The following DERA variants were observed in gnomAD, a reference collection of about 807,000 sequenced individuals.
DERA encodes deoxyribose-phosphate aldolase.
In DERA, 15 loss-of-function variants were observed where a neutral mutation model predicts 41.1. The observed-to-expected ratio is 0.37, with a 90% confidence interval of 0.24 to 0.56. The LOEUF (loss-of-function observed/expected upper bound fraction) is 0.56. DERA is among the 20% of genes least tolerant of loss of function. The pLI is 0.81. For missense variants in DERA, 396 were observed against 403.4 expected (o/e 0.98, Z 0.16); for synonymous variants, 139 against 137.4 (o/e 1.01, Z -0.08).
At chr12:16,018,026 T>C (rs1450325032) in intron 6 of DERA, among the ~76,000 whole-genome samples, 2 of 152,200 alleles carry the variant, frequency 1.3e-5, no homozygotes, top group Non-Finnish European at 2.9e-5. Flanking sequence ...TTTAAGATCT[T>C]ACTAGTAACT....
At position 15,996,256 on chromosome 12, in the gene DERA, G is replaced by A. The variant is rs1378974490; in HGVS notation, c.637+13820G>A. Among the ~76,000 whole-genome samples, 1 of 151,894 alleles carries A rather than the reference G, an allele frequency of 6.6e-6. No homozygotes were observed. The highest frequency in any genetic ancestry group is 1.9e-4 in the East Asian group (1 of 5,170). On this transcript the variant is annotated intron_variant, in intron 6 of 8. Transcript: ENST00000428559. This position sits in a 1 kb window ranked among gnomAD's most constrained non-coding sequence, Gnocchi z 4.7. ...CCAAAATATAGAAAACATGGGAAAA[G>A]AGGAGTGTATTAGTTTCTTGGGCTC...
chr12:15,918,535 AG>A lies in DERA; in HGVS notation c.31+7126del, dbSNP rs1308278450. ...TTAGGACAATCGTTTGGGAAGGGGA[AG>A]GGGGCCAGAATAATTTGTTTTTTTT... On this transcript the variant is annotated intron_variant, in intron 1 of 8. Transcript: ENST00000428559. This position sits in a 1 kb window ranked among gnomAD's most constrained non-coding sequence, Gnocchi z 4.3. Among the ~76,000 whole-genome samples the A allele has an allele frequency of 6.6e-6, 1 of 152,182 alleles. No homozygotes were observed. The highest frequency in any genetic ancestry group is 1.5e-5 in the Non-Finnish European group (1 of 68,038).
chr12:15,915,307 A>G lies in DERA; in HGVS notation c.31+3893A>G, dbSNP rs887830421. The stretch of plus-strand genomic sequence containing the variant: ...ATTATAATTTTTAATTTCCTTTTAA[A>G]AGAACCTATGAATTAGGGATTTAGG... On this transcript the variant is annotated intron_variant, in intron 1 of 8. Coordinates refer to ENST00000428559, the MANE Select transcript of DERA (RefSeq NM_015954.4). The surrounding 1 kb of genome is among the most constrained non-coding windows in gnomAD (Gnocchi z 4.8). Among the ~76,000 whole-genome samples, 1 of 152,344 alleles carries G rather than the reference A, an allele frequency of 6.6e-6. No homozygotes were observed. Among genetic ancestry groups the G allele is most frequent in the African/African-American group, 2.4e-5 (1 of 41,592 alleles).
chr12:15,948,035 T>G lies in DERA; in HGVS notation c.32-8901T>G, dbSNP rs550890714. Among the ~76,000 whole-genome samples the G allele has an allele frequency of 3.3e-5, 5 of 152,370 alleles. No homozygotes were observed. The South Asian group carries it at 1.0e-3, about 32-fold the overall frequency. ...TAAGAATGTTGAATATTGGCCCCCATTCTCTTCAGGCTTGTAGAGTTTCTG... is the reference window on the plus strand; with the variant it reads ...TAAGAATGTTGAATATTGGCCCCCAGTCTCTTCAGGCTTGTAGAGTTTCTG... On this transcript the variant is annotated intron_variant, in intron 1 of 8. Coordinates refer to ENST00000428559, the MANE Select transcript of DERA (RefSeq NM_015954.4).
intron 6 of DERA, among the ~76,000 whole-genome samples, chr12:16,032,002 A>G (rs1234070610): frequency 6.6e-6 from 1 of 152,212 alleles, no homozygotes; most frequent in Non-Finnish European, 1.5e-5. Context: ...TTTGCAAGGT[A>G]TGAAATAGCG....
rs1949019490 is a variant in DERA, at chr12:16,021,943, AT to A, written c.638-10594del. The stretch of plus-strand genomic sequence containing the variant: ...AAGACTTTGGACTTTAGACTTTGGC[AT>A]TTTTGAGCTAAGGCTGGAACAAGTT... On this transcript the variant is annotated intron_variant, in intron 6 of 8. Transcript: ENST00000428559. This position sits in a 1 kb window ranked among gnomAD's most constrained non-coding sequence, Gnocchi z 5.3. Among the ~76,000 whole-genome samples the A allele has an allele frequency of 6.6e-6, 1 of 152,182 alleles. No individual in the cohort carries two copies. The highest frequency in any genetic ancestry group is 1.5e-5 in the Non-Finnish European group (1 of 68,036).
At chr12:15,977,697 A>C (rs540662407) in intron 5 of DERA, among the ~76,000 whole-genome samples, 7 of 152,302 alleles carry the variant, frequency 4.6e-5, no homozygotes, top group African/African-American at 1.7e-4. Context: ...ACCTCAGGTG[A>C]TCCACCTGCC....
At chr12:15,975,995 G>A (rs111318431) in intron 5 of DERA, among the ~76,000 whole-genome samples, 1 of 152,276 alleles carries the variant, frequency 6.6e-6, no homozygotes, top group African/African-American at 2.4e-5. Flanking sequence ...TTGTCAGACA[G>A]ATCTAGTAAA....
chr12:15,920,570 C>T (rs1948235728), intron 1 of DERA, among the ~76,000 whole-genome samples: 2 of 152,208 alleles, frequency 1.3e-5, no homozygotes. Flanking sequence ...CGTGGTGGCT[C>T]ATGCCTGTAA....
intron 6 of DERA, among the ~76,000 whole-genome samples, chr12:16,005,024 C>T: frequency 6.6e-6 from 1 of 152,142 alleles, no homozygotes; most frequent in Non-Finnish European, 1.5e-5. Context: ...TACTAAAAGG[C>T]AGTTTAAAAG....
chr12:15,949,656 T>C (rs954051299), intron 1 of DERA, among the ~76,000 whole-genome samples: 16 of 151,952 alleles, frequency 1.1e-4, no homozygotes, highest in African/African-American at 3.6e-4. Context: ...CTGGGTGAGG[T>C]GATGCCTCGC....
intron 1 of DERA, among the ~76,000 whole-genome samples, chr12:15,948,571 A>G (rs1948470141): frequency 6.6e-6 from 1 of 152,012 alleles, no homozygotes. Context: ...GGACTTCTCT[A>G]CACTGGTTAT....
chr12:16,009,417 TA>T lies in DERA; in HGVS notation c.638-23124del, dbSNP rs1489541934. Among the ~76,000 whole-genome samples, 1 of 152,176 alleles carries T rather than the reference TA, an allele frequency of 6.6e-6. No individual in the cohort carries two copies. Among genetic ancestry groups the T allele is most frequent in the Non-Finnish European group, 1.5e-5 (1 of 68,022 alleles). On this transcript the variant is annotated intron_variant, in intron 6 of 8. Coordinates refer to ENST00000428559, the MANE Select transcript of DERA (RefSeq NM_015954.4). This position sits in a 1 kb window ranked among gnomAD's most constrained non-coding sequence, Gnocchi z 5.3. ...TATACTTTAAATTTTTCATCATCTT[TA>T]GTTTCCATGTATTAAATACAAAAAA...
At position 15,947,945 on chromosome 12, in the gene DERA, A is replaced by T. The variant is rs114787357; in HGVS notation, c.32-8991A>T. On this transcript the variant is annotated intron_variant, in intron 1 of 8. Coordinates refer to ENST00000428559, the MANE Select transcript of DERA (RefSeq NM_015954.4). The stretch of plus-strand genomic sequence containing the variant: ...TCAGCATTTGCTTGTCAAGAATTTT[A>T]TTTCTCCTTCACTGGAAGCTTAGTT... 9.7e-3 allele frequency among the ~76,000 whole-genome samples: 1,471 copies of T among 151,960 alleles called. 17 individuals carry two copies. The highest frequency in any genetic ancestry group is 0.033 in the African/African-American group (1,378 of 41,460).
rs1263975160 is a variant in DERA, at chr12:16,003,521, T to C, written c.637+21085T>C. ...GTGTGCCTAAGGGCTGAGTGTTCGTTTTAGGTAAGAGAGAAACTGTGAGGG... is the reference window on the plus strand; with the variant it reads ...GTGTGCCTAAGGGCTGAGTGTTCGTCTTAGGTAAGAGAGAAACTGTGAGGG... On this transcript the variant is annotated intron_variant, in intron 6 of 8. Transcript: ENST00000428559. The surrounding 1 kb of genome is among the most constrained non-coding windows in gnomAD (Gnocchi z 4.8). Among the ~76,000 whole-genome samples, 1 of 152,028 alleles carries C rather than the reference T, an allele frequency of 6.6e-6. No individual in the cohort carries two copies. Among genetic ancestry groups the C allele is most frequent in the African/African-American group, 2.4e-5 (1 of 41,392 alleles).
intron 6 of DERA, among the ~76,000 whole-genome samples, chr12:16,022,648 CT>C (rs1165756718): frequency 6.6e-6 from 1 of 152,158 alleles, no homozygotes; most frequent in Non-Finnish European, 1.5e-5. Flanking sequence ...AAATGAGTGA[CT>C]TTTCTCAGAC....
In DERA at chr12:15,966,078, C is replaced by T. The variant is rs1948620608; in HGVS notation, c.508+3131C>T. The stretch of plus-strand genomic sequence containing the variant: ...ACGTCCTCCTTTCTTCTCTTCCCTT[C>T]ATGACTAAAATTCTGAAAAGAAGGC... On this transcript the variant is annotated intron_variant, in intron 5 of 8. Transcript: ENST00000428559. This position sits in a 1 kb window ranked among gnomAD's most constrained non-coding sequence, Gnocchi z 5.1. 6.6e-6 allele frequency among the ~76,000 whole-genome samples: 1 copy of T among 152,172 alleles called. No individual in the cohort carries two copies. The highest frequency in any genetic ancestry group is 1.5e-5 in the Non-Finnish European group (1 of 68,028).
At position 15,999,214 on chromosome 12, in the gene DERA, G is replaced by A. The variant is rs943302192; in HGVS notation, c.637+16778G>A. Among the ~76,000 whole-genome samples, 1 of 152,148 alleles carries A rather than the reference G, an allele frequency of 6.6e-6. No individual in the cohort carries two copies. The highest frequency in any genetic ancestry group is 1.5e-5 in the Non-Finnish European group (1 of 68,028). ...GTACCTGGGGATATTTCTTTCCCTCGAATGGGTTCATCCAAATATTTGATG... is the reference window on the plus strand; with the variant it reads ...GTACCTGGGGATATTTCTTTCCCTCAAATGGGTTCATCCAAATATTTGATG... On this transcript the variant is annotated intron_variant, in intron 6 of 8. Coordinates refer to ENST00000428559, the MANE Select transcript of DERA (RefSeq NM_015954.4). The surrounding 1 kb of genome is among the most constrained non-coding windows in gnomAD (Gnocchi z 5.3).
At position 15,936,612 on chromosome 12, in the gene DERA, T is replaced by C. The variant is rs1948365917; in HGVS notation, c.32-20324T>C. ...GTTAACATCTAATACTGAGACCATA[T>C]TTAAATTTGTTCAGTTGTCCCCAAA... On this transcript the variant is annotated intron_variant, in intron 1 of 8. Coordinates refer to ENST00000428559, the MANE Select transcript of DERA (RefSeq NM_015954.4). The surrounding 1 kb of genome is among the most constrained non-coding windows in gnomAD (Gnocchi z 4.6). Among the ~76,000 whole-genome samples, 1 of 152,214 alleles carries C rather than the reference T, an allele frequency of 6.6e-6. No homozygotes were observed. Among genetic ancestry groups the C allele is most frequent in the South Asian group, 2.1e-4 (1 of 4,832 alleles).
Sources: allele counts gnomAD v4.1 joint callset (sites outside exome capture counted in the v4.1 genomes callset), GRCh38; gene constraint gnomAD v4.1.1; non-coding constraint Gnocchi (gnomAD v3.1); transcripts MANE v1.5; gene names NCBI Gene and HGNC (gene_info 2026-07-23, HGNC 2026-07-21).